RDX: variants seen among roughly 807,000 people sequenced by gnomAD.
RDX encodes deafness, autosomal recessive 24.
RDX carries 32 observed loss-of-function variants against 83.7 expected under a neutral mutation model. The ratio of observed to expected loss-of-function variants is 0.38; its 90% CI spans 0.29 to 0.51. The LOEUF (loss-of-function observed/expected upper bound fraction) is 0.51. Ranked by LOEUF, RDX falls within the 20% of genes least tolerant of loss-of-function variation. The pLI, the probability that RDX is intolerant of heterozygous loss-of-function variation, is 0.87. For missense variants in RDX, 600 were observed against 689.9 expected (o/e 0.87, Z 1.46); for synonymous variants, 229 against 222.7 (o/e 1.03, Z -0.25).
chr11:110,226,097 A>G (rs1864426097), downstream of RDX, among the ~76,000 whole-genome samples: 1 of 151,848 alleles, frequency 6.6e-6, no homozygotes, highest in Non-Finnish European at 1.5e-5. Flanking sequence ...TAAACACAGA[A>G]TTAACATATG....
At chr11:110,240,252 T>C (rs947095439) in intron 10 of RDX, among the ~76,000 whole-genome samples, 3 of 152,214 alleles carry the variant, frequency 2.0e-5, no homozygotes, top group Non-Finnish European at 4.4e-5. Flanking sequence ...TGGATGGAAC[T>C]GGAAGCCATC....
chr11:110,226,297 T>TA (rs1864434331), downstream of RDX, among the ~76,000 whole-genome samples: 2 of 152,108 alleles, frequency 1.3e-5, no homozygotes, highest in African/African-American at 4.8e-5. Flanking sequence ...TGCTTAGCCT[T>TA]AAAAAGGAAT....
intron 15 of RDX, among the ~76,000 whole-genome samples, chr11:110,195,243 C>A (rs187483938): frequency 6.6e-6 from 1 of 152,042 alleles, no homozygotes; most frequent in Non-Finnish European, 1.5e-5. Context: ...GGATTACAGA[C>A]GTGAGCCACC....
At chr11:110,275,099 A>G (rs1291814553) in intron 2 of RDX, among the ~76,000 whole-genome samples, 1 of 152,218 alleles carries the variant, frequency 6.6e-6, no homozygotes. Context: ...CTGACAATTC[A>G]GTTAGCAGAA....
intron 14 of RDX, among the ~76,000 whole-genome samples, chr11:110,215,042 A>C (rs1316036349): frequency 3.3e-5 from 3 of 89,796 alleles, no homozygotes; most frequent in African/African-American, 1.2e-4. Flanking sequence ...CTAACAAAAA[A>C]AAAAAAAATA....
At chr11:110,266,365 A>G (rs1305262984) in intron 3 of RDX, among the ~76,000 whole-genome samples, 1 of 152,080 alleles carries the variant, frequency 6.6e-6, no homozygotes. Flanking sequence ...AAGAGTAAAT[A>G]AAGTGGTGGA....
chr11:110,193,522 A>G (rs1343640919), intron 15 of RDX, among the ~76,000 whole-genome samples: 1 of 143,368 alleles, frequency 7.0e-6, no homozygotes, highest in Non-Finnish European at 1.5e-5. Context: ...ATCTAAAATA[A>G]ATCTTGAAAT....
chr11:110,240,382 G>A (rs140668419), intron 10 of RDX, among the ~76,000 whole-genome samples: 15 of 152,246 alleles, frequency 9.9e-5, no homozygotes, highest in East Asian at 5.8e-4. Context: ...GGAAGTGGGT[G>A]GGGGGAGTTG....
chr11:110,247,624 A>C, intron 10 of RDX, 79 bp downstream of exon 10: 1 of 1,428,638 alleles, frequency 7.0e-7, no homozygotes, highest in Non-Finnish European at 9.7e-7. Flanking sequence ...ATAAGGTTTA[A>C]GAGTACTAAA....
At chr11:110,200,943 C>G (rs190514851) in intron 14 of RDX, among the ~76,000 whole-genome samples, 9 of 151,898 alleles carry the variant, frequency 5.9e-5, no homozygotes, top group Admixed American at 1.3e-4. Context: ...TTTGGGAGGC[C>G]GAGGCAGAGA....
At chr11:110,255,006 GCTT>G (rs1859484051) in intron 8 of RDX, among the ~76,000 whole-genome samples, 1 of 152,060 alleles carries the variant, frequency 6.6e-6, no homozygotes, top group South Asian at 2.1e-4. Flanking sequence ...CTTTAAAATT[GCTT>G]CTTAGGAATG....
At chr11:110,201,114 T>G (rs1863383432) in intron 14 of RDX, among the ~76,000 whole-genome samples, 1 of 144,826 alleles carries the variant, frequency 6.9e-6, no homozygotes, top group African/African-American at 2.6e-5. Flanking sequence ...AGTTGGAGGT[T>G]ACGGTGAGCC....
chr11:110,215,816 T>C (rs1288356687), intron 14 of RDX, among the ~76,000 whole-genome samples: 1 of 152,228 alleles, frequency 6.6e-6, no homozygotes. Context: ...TTTGCCACTG[T>C]GGTTGTCCTT....
intron 15 of RDX, among the ~76,000 whole-genome samples, chr11:110,182,493 C>A (rs893071274): frequency 6.6e-6 from 1 of 150,768 alleles, no homozygotes; most frequent in Non-Finnish European, 1.5e-5. Context: ...CCCAGCTACT[C>A]GGGAGGCTGA....
At chr11:110,190,780 A>G (rs1863087260) in intron 15 of RDX, among the ~76,000 whole-genome samples, 1 of 152,230 alleles carries the variant, frequency 6.6e-6, no homozygotes, top group South Asian at 2.1e-4. Context: ...TCCCACAGAA[A>G]TACAAAAGAT....
chr11:110,182,006 C>T (rs1190023645), intron 15 of RDX, among the ~76,000 whole-genome samples: 2 of 152,214 alleles, frequency 1.3e-5, no homozygotes, highest in Admixed American at 1.3e-4. Context: ...GTTCCTCCCT[C>T]GGCCACCCTC....
chr11:110,188,296 A>AAATAATAAT (rs34384486), intron 15 of RDX, among the ~76,000 whole-genome samples: 6,471 of 142,384 alleles, frequency 0.045, 186 homozygotes, highest in African/African-American at 0.061. Context: ...CTCTGTCTCA[A>AAATAATAAT]AATAATAATA....
chr11:110,192,207 C>G lies in RDX; in HGVS notation c.*31+7374G>C, dbSNP rs138956037. ...AACAGACACACAGACCAATGGAACA[C>G]AGTAGAGAACCCAGAAATAAAGCTA... On this transcript the variant is annotated intron_variant, in intron 15 of 15. Coordinates refer to the RDX transcript ENST00000528498. 1.6e-4 allele frequency among the ~76,000 whole-genome samples: 25 copies of G among 152,214 alleles called. No individual in the cohort carries two copies. In the East Asian group the frequency reaches 4.8e-3, roughly 29 times the overall value.
chr11:110,244,750 T>C (rs544407438), intron 10 of RDX, among the ~76,000 whole-genome samples: 4 of 152,140 alleles, frequency 2.6e-5, no homozygotes, highest in Admixed American at 6.5e-5. Flanking sequence ...ACAAAGCTAT[T>C]AGAAAATGAT....
Sources: gnomAD v4.1 joint callset for allele counts (sites outside exome capture counted in the v4.1 genomes callset) on GRCh38, gnomAD v4.1.1 for gene constraint, MANE v1.5 for transcripts, NCBI Gene and HGNC (gene_info 2026-07-23, HGNC 2026-07-21) for gene names.